Variants in STX12 observed in about 807,000 individuals in gnomAD.
The protein encoded by STX12 is syntaxin 12, also known as syntaxin-12.
Under a neutral mutation model 42.2 loss-of-function variants are expected in STX12, and 17 were observed. The observed-to-expected ratio is 0.40, with a 90% CI of 0.28 to 0.60. The LOEUF (loss-of-function observed/expected upper bound fraction) is 0.60, where lower values mean the gene tolerates loss of function less well. Ranked by LOEUF, STX12 falls within the 20% of genes least tolerant of loss-of-function variation. The probability of loss-of-function intolerance (pLI) is 0.39; values close to 1 mark genes in which losing one functional copy is unlikely to be tolerated. For missense variants in STX12, 297 were observed against 330.9 expected (o/e 0.90, Z 0.79); for synonymous variants, 108 against 116.7 (o/e 0.93, Z 0.48).
chr1:27,802,114 A>T (rs1219602901), intron 4 of STX12: 1 of 185,254 alleles, frequency 5.4e-6, no homozygotes, highest in Non-Finnish European at 1.1e-5. Flanking sequence ...TTCCTGGAAT[A>T]TAACAGGCTA....
At chr1:27,790,253 T>TA (rs1277965478) in intron 2 of STX12, among the ~76,000 whole-genome samples, 1 of 152,206 alleles carries the variant, frequency 6.6e-6, no homozygotes, top group Non-Finnish European at 1.5e-5. Flanking sequence ...TGGTGAGTGT[T>TA]ACAGCTCTTT....
intron 7 of STX12, among the ~76,000 whole-genome samples, chr1:27,818,415 T>C (rs917344627): frequency 4.6e-5 from 7 of 151,918 alleles, no homozygotes; most frequent in African/African-American, 1.2e-4. Context: ...GTTAGTCATA[T>C]CAGCTATAGA....
At chr1:27,816,666 T>A (rs1226003316) in intron 6 of STX12, among the ~76,000 whole-genome samples, 3 of 146,862 alleles carry the variant, frequency 2.0e-5, no homozygotes, top group Non-Finnish European at 4.5e-5. Context: ...ATGCCTGTAA[T>A]CCCAGCACTT....
intron 4 of STX12, among the ~76,000 whole-genome samples, chr1:27,804,309 C>T (rs2088846504): frequency 6.6e-6 from 1 of 151,826 alleles, no homozygotes; most frequent in Non-Finnish European, 1.5e-5. Context: ...GCCTGTAATC[C>T]CAGCTACTTG....
At chr1:27,820,404 A>G (rs895856361) in intron 8 of STX12, 1 of 151,998 alleles carries the variant, frequency 6.6e-6, no homozygotes, top group Non-Finnish European at 1.5e-5. Context: ...TAGATTCTGG[A>G]TGTTAGCCCT....
chr1:27,780,070 C>T (rs1262291895), intron 1 of STX12, among the ~76,000 whole-genome samples: 1 of 151,968 alleles, frequency 6.6e-6, no homozygotes, highest in East Asian at 1.9e-4. Context: ...GGATTACAAG[C>T]ATGAGTCACT....
intron 4 of STX12, among the ~76,000 whole-genome samples, chr1:27,807,344 C>T (rs899508282): frequency 1.3e-5 from 2 of 152,234 alleles, no homozygotes; most frequent in South Asian, 2.1e-4. Flanking sequence ...CCCACTTCCC[C>T]GCCACCAGTC....
intron 1 of STX12, among the ~76,000 whole-genome samples, chr1:27,779,137 T>A (rs2088647004): frequency 6.6e-6 from 1 of 152,240 alleles, no homozygotes. Context: ...TCCTCTTAAG[T>A]ATTCATCAGC....
chr1:27,783,922 T>TA (rs1254911845), intron 1 of STX12, among the ~76,000 whole-genome samples: 3 of 152,124 alleles, frequency 2.0e-5, no homozygotes, highest in African/African-American at 7.2e-5. Flanking sequence ...CTCATGCCTA[T>TA]AATCCCAGCA....
chr1:27,793,646 G>T lies in STX12; in HGVS notation c.288+14G>T. The stretch of plus-strand genomic sequence containing the variant: ...ACTTCAGAACAGGTTGGTATTTTCT[G>T]TTTTGTTTATTAATAGGAAAGGACT... On this transcript the variant is annotated intron_variant, in intron 3 of 8. Transcript: ENST00000373943. 1 of 1,605,988 alleles carries T rather than the reference G, an allele frequency of 6.2e-7. No homozygotes were observed.
intron 4 of STX12, among the ~76,000 whole-genome samples, chr1:27,808,316 T>C (rs2088878820): frequency 8.9e-6 from 1 of 112,916 alleles, no homozygotes; most frequent in Non-Finnish European, 1.6e-5. Flanking sequence ...TTGTTTTTTA[T>C]TTATTTATTT....
At chr1:27,800,031 A>T (rs1295801594) in intron 3 of STX12, among the ~76,000 whole-genome samples, 2 of 152,254 alleles carry the variant, frequency 1.3e-5, no homozygotes, top group Admixed American at 1.3e-4. Context: ...CTGGGATTAC[A>T]GGCATGCGCT....
chr1:27,813,254 C>T (rs921870155), intron 6 of STX12, among the ~76,000 whole-genome samples: 2 of 151,926 alleles, frequency 1.3e-5, no homozygotes, highest in Non-Finnish European at 1.5e-5. Flanking sequence ...CAGCTTACTG[C>T]AGCCTCCCTC....
intron 4 of STX12, among the ~76,000 whole-genome samples, chr1:27,807,223 T>C (rs1460238402): frequency 6.6e-6 from 1 of 152,148 alleles, no homozygotes; most frequent in African/African-American, 2.4e-5. Context: ...TTATACTCTT[T>C]TAGTTATTTT....
intron 4 of STX12, among the ~76,000 whole-genome samples, chr1:27,805,782 T>G (rs2088859196): frequency 6.6e-6 from 1 of 152,210 alleles, no homozygotes. Flanking sequence ...CTGGTTGAAG[T>G]ATCTGAAGAA....
At chr1:27,794,275 C>T (rs1451294151) in intron 3 of STX12, among the ~76,000 whole-genome samples, 1 of 152,228 alleles carries the variant, frequency 6.6e-6, no homozygotes, top group Non-Finnish European at 1.5e-5. Context: ...AATCCTCCCA[C>T]CTCAGCCTCC....
intron 3 of STX12, among the ~76,000 whole-genome samples, chr1:27,801,191 G>A (rs1424544287): frequency 1.3e-5 from 2 of 152,160 alleles, no homozygotes; most frequent in African/African-American, 4.8e-5. Flanking sequence ...CTGAGGTGAG[G>A]AGTTCTACAA....
chr1:27,800,484 A>G (rs2088819640), intron 3 of STX12, among the ~76,000 whole-genome samples: 1 of 139,532 alleles, frequency 7.2e-6, no homozygotes, highest in African/African-American at 2.7e-5. Context: ...TGCTGTCAGT[A>G]TGTGGTGTGT....
chr1:27,805,352 A>G (rs2088856223), intron 4 of STX12, among the ~76,000 whole-genome samples: 1 of 152,214 alleles, frequency 6.6e-6, no homozygotes, highest in South Asian at 2.1e-4. Context: ...ATGGGGAAAG[A>G]AGGAATTAAA....
Sources: gnomAD v4.1 joint callset for allele counts (sites outside exome capture counted in the v4.1 genomes callset) on GRCh38, gnomAD v4.1.1 for gene constraint, MANE v1.5 for transcripts, NCBI Gene and HGNC (gene_info 2026-07-23, HGNC 2026-07-21) for gene names.